SAMSN1: variants seen among roughly 807,000 people sequenced by gnomAD.
SAMSN1 encodes SAM domain, SH3 domain and nuclear localization signals 1.
In SAMSN1, 31 loss-of-function variants were observed where a neutral mutation model predicts 42.0. That is an observed-to-expected ratio of 0.74 (90% CI 0.55 to 1.00). The LOEUF is 1.00. SAMSN1 is among the 50% of genes least tolerant of loss of function. The pLI, the probability that SAMSN1 is intolerant of heterozygous loss-of-function variation, is 0.00. For synonymous variants in SAMSN1, 178 were observed against 151.9 expected (o/e 1.17, Z -1.26); for missense variants, 464 against 439.4 (o/e 1.06, Z -0.50).
At chr21:14,637,631 G>C (rs900422458) in intron 2 of SAMSN1, among the ~76,000 whole-genome samples, 4 of 151,788 alleles carry the variant, frequency 2.6e-5, no homozygotes, top group African/African-American at 7.3e-5. Flanking sequence ...AAGATTTTGT[G>C]TATCAACTCC....
At chr21:14,535,289 C>T (rs1281025314) in intron 1 of SAMSN1, among the ~76,000 whole-genome samples, 3 of 151,998 alleles carry the variant, frequency 2.0e-5, no homozygotes, top group African/African-American at 7.3e-5. Flanking sequence ...TCAAATGATT[C>T]CTAATAGAGG....
intron 7 of SAMSN1, among the ~76,000 whole-genome samples, chr21:14,496,610 C>A (rs560277367): frequency 6.6e-6 from 1 of 152,182 alleles, no homozygotes; most frequent in Admixed American, 6.5e-5. Flanking sequence ...AAACTGACTC[C>A]TTTACCTGAA....
At chr21:14,557,887 T>C (rs1017548609) in intron 2 of SAMSN1, among the ~76,000 whole-genome samples, 13 of 152,192 alleles carry the variant, frequency 8.5e-5, no homozygotes, top group Non-Finnish European at 1.8e-4. Flanking sequence ...CCTTTACTTT[T>C]GACATGGGTG....
At chr21:14,513,851 C>T (rs115191059) in intron 3 of SAMSN1, among the ~76,000 whole-genome samples, 61 of 152,224 alleles carry the variant, frequency 4.0e-4, no homozygotes, top group African/African-American at 1.3e-3. Flanking sequence ...AACAGCAAGG[C>T]TAATGTAGTG....
intron 7 of SAMSN1, among the ~76,000 whole-genome samples, chr21:14,491,600 G>A (rs1365383258): frequency 2.0e-5 from 3 of 152,176 alleles, no homozygotes; most frequent in Non-Finnish European, 4.4e-5. Context: ...CCTATTTCAA[G>A]CTTCTGTGAC....
intron 2 of SAMSN1, among the ~76,000 whole-genome samples, chr21:14,625,745 C>A (rs1175071837): frequency 6.6e-6 from 1 of 152,182 alleles, no homozygotes; most frequent in African/African-American, 2.4e-5. Flanking sequence ...ATCAAGCTAC[C>A]AATGACTTTC....
rs959426430 is a variant in SAMSN1, at chr21:14,606,083, G to A, written c.322+3399C>T. 4.6e-5 allele frequency among the ~76,000 whole-genome samples: 7 copies of A among 151,950 alleles called. No homozygotes were observed. The South Asian group carries it at 6.2e-4, about 14-fold the overall frequency. On this transcript the variant is annotated intron_variant, in intron 5 of 15. Coordinates refer to the SAMSN1 transcript ENST00000647101. ...TCTTGATCTCCTGACCTCATGATCCGCCCGCCTCGGCTGCCCAAAGTGCTG... is the reference window on the plus strand; with the variant it reads ...TCTTGATCTCCTGACCTCATGATCCACCCGCCTCGGCTGCCCAAAGTGCTG...
At chr21:14,509,776 A>T (rs571706836) in intron 5 of SAMSN1, among the ~76,000 whole-genome samples, 2 of 152,308 alleles carry the variant, frequency 1.3e-5, no homozygotes, top group South Asian at 4.1e-4. Context: ...AATCATCTAC[A>T]TAATAACAAC....
intron 1 of SAMSN1, among the ~76,000 whole-genome samples, chr21:14,534,590 A>G (rs984779061): frequency 2.0e-5 from 3 of 150,900 alleles, no homozygotes; most frequent in African/African-American, 7.3e-5. Context: ...GTCTCGGCTC[A>G]CTGCAAGCTC....
chr21:14,493,026 T>A (rs113115613), intron 7 of SAMSN1, among the ~76,000 whole-genome samples: 1,629 of 152,316 alleles, frequency 0.011, 21 homozygotes, highest in African/African-American at 0.036. Flanking sequence ...GCTGGACTGC[T>A]GCTTGGCATA....
At chr21:14,506,911 T>C (rs1206008303) in intron 5 of SAMSN1, among the ~76,000 whole-genome samples, 1 of 152,206 alleles carries the variant, frequency 6.6e-6, no homozygotes, top group Non-Finnish European at 1.5e-5. Context: ...ATAAATGTGA[T>C]ACACCACATA....
intron 1 of SAMSN1, among the ~76,000 whole-genome samples, chr21:14,648,771 C>A (rs1164617452): frequency 2.2e-3 from 319 of 144,556 alleles, no homozygotes; most frequent in Non-Finnish European, 3.5e-3. Context: ...CAGGAAACAA[C>A]AGGTGCTGGA....
chr21:14,625,544 C>CA (rs1983143092), intron 2 of SAMSN1, among the ~76,000 whole-genome samples: 1 of 151,940 alleles, frequency 6.6e-6, no homozygotes, highest in Admixed American at 6.6e-5. Flanking sequence ...TCAAAGAGAA[C>CA]AAAATACCTA....
chr21:14,499,493 A>T (rs1372372251), intron 6 of SAMSN1, among the ~76,000 whole-genome samples: 1 of 1,808 alleles, frequency 5.5e-4, no homozygotes, highest in Non-Finnish European at 8.4e-4. Context: ...CTTTTTAACA[A>T]AAAAAAAAAA....
chr21:14,613,850 T>C (rs1982769222), intron 3 of SAMSN1, among the ~76,000 whole-genome samples: 1 of 152,020 alleles, frequency 6.6e-6, no homozygotes, highest in Admixed American at 6.6e-5. Flanking sequence ...TTTATATATA[T>C]TTGAATCTTA....
At chr21:14,541,294 C>G (rs1980012361) in intron 1 of SAMSN1, among the ~76,000 whole-genome samples, 1 of 147,144 alleles carries the variant, frequency 6.8e-6, no homozygotes, top group Non-Finnish European at 1.5e-5. Flanking sequence ...AACAAAGAAA[C>G]AAAGACAGAT....
At chr21:14,621,752 T>A (rs1983014395) in intron 2 of SAMSN1, among the ~76,000 whole-genome samples, 1 of 152,226 alleles carries the variant, frequency 6.6e-6, no homozygotes, top group Non-Finnish European at 1.5e-5. Flanking sequence ...TAAATGTCCC[T>A]GTCTGACAGC....
chr21:14,490,369 C>T (rs1158758893), intron 7 of SAMSN1, among the ~76,000 whole-genome samples: 2 of 152,184 alleles, frequency 1.3e-5, no homozygotes, highest in Non-Finnish European at 2.9e-5. Flanking sequence ...CTGGGGCCAT[C>T]TCCAAAGTGG....
rs28677993 is a variant in SAMSN1, at chr21:14,637,481, G to A, written c.156+5521C>T. Among the ~76,000 whole-genome samples the A allele has an allele frequency of 9.2e-3, 1,406 of 152,164 alleles. 28 individuals are homozygous for A. Among genetic ancestry groups the A allele is most frequent in the African/African-American group, 0.032 (1,331 of 41,532 alleles). ...AGAATAACTAAAATGTGTGAGTCAC[G>A]TTATATTTCTAATGGACAGGACTGC... On this transcript the variant is annotated intron_variant, in intron 2 of 15. Transcript: ENST00000647101.
Sources: gnomAD v4.1 joint callset for allele counts (sites outside exome capture counted in the v4.1 genomes callset) on GRCh38, gnomAD v4.1.1 for gene constraint, MANE v1.5 for transcripts, NCBI Gene and HGNC (gene_info 2026-07-23, HGNC 2026-07-21) for gene names.